The following CASK variants were observed in gnomAD, a reference collection of about 807,000 sequenced individuals.
CASK encodes the protein peripheral plasma membrane protein CASK.
Under a neutral mutation model 82.9 loss-of-function variants are expected in CASK, and 4 were observed. The ratio of observed to expected loss-of-function variants is 0.05; its 90% CI spans 0.02 to 0.11. The LOEUF (loss-of-function observed/expected upper bound fraction) is 0.11, where lower values mean the gene tolerates loss of function less well. Ranked by LOEUF, CASK falls within the 10% of genes least tolerant of loss-of-function variation. The pLI is 1.00. For missense variants in CASK, 358 were observed against 720.9 expected, an observed-to-expected ratio of 0.50 and a Z score of 5.76; for synonymous variants, 259 against 253.5, an observed-to-expected ratio of 1.02 and a Z score of -0.20.
intron 5 of CASK, among the ~76,000 whole-genome samples, chrX:41,684,558 A>G (rs1213204795): frequency 8.9e-6 from 1 of 111,745 alleles, no homozygotes; most frequent in African/African-American, 3.3e-5. Flanking sequence ...GTGCAGTGGC[A>G]TGATCTCTGC....
chrX:41,637,640 A>G (rs965058077), intron 8 of CASK, among the ~76,000 whole-genome samples: 1 of 104,000 alleles, frequency 9.6e-6, no homozygotes, highest in African/African-American at 3.5e-5. Context: ...TGAATCCCCC[A>G]TTATTTATTT....
Position 41,517,497 on chromosome X carries a change from A to G in CASK, c.*2923T>C. 1 of 263,569 alleles carries G rather than the reference A, an allele frequency of 3.8e-6. No homozygotes were observed. The highest frequency in any genetic ancestry group is 2.8e-5 in the African/African-American group (1 of 36,360). 21.7% of individuals were successfully genotyped at this position (263,569 alleles called of 1,213,427 possible). A position where few individuals can be genotyped will look rare whatever the true frequency, so the allele number is the denominator to read the frequency against. Reference sequence around the variant, plus strand: ...AGTAATTACTGTCTTGTGACTGGAAAATCAGGACATTTCATCTTTTTAACA... The same window carrying G: ...AGTAATTACTGTCTTGTGACTGGAAGATCAGGACATTTCATCTTTTTAACA... On this transcript the variant is annotated 3_prime_UTR_variant, in exon 27 of 27. Transcript: ENST00000378163.
intron 5 of CASK, among the ~76,000 whole-genome samples, chrX:41,710,954 G>A (rs2067967607): frequency 8.9e-6 from 1 of 112,144 alleles, no homozygotes; most frequent in Non-Finnish European, 1.9e-5. Flanking sequence ...GGACAGGAAA[G>A]CTCCGTGCCC....
chrX:41,816,072 C>T (rs959896713), intron 2 of CASK, among the ~76,000 whole-genome samples: 2 of 111,140 alleles, frequency 1.8e-5, no homozygotes, highest in African/African-American at 6.6e-5. Flanking sequence ...GTTGCCCAGG[C>T]TAGTCTTGAG....
intron 2 of CASK, among the ~76,000 whole-genome samples, chrX:41,789,439 G>A (rs2069674048): frequency 9.0e-6 from 1 of 111,630 alleles, no homozygotes; most frequent in Non-Finnish European, 1.9e-5. Context: ...TTACTGCAAA[G>A]GAAGAGATCA....
intron 3 of CASK, among the ~76,000 whole-genome samples, chrX:41,756,315 A>C (rs1195451406): frequency 8.9e-6 from 1 of 112,259 alleles, no homozygotes; most frequent in African/African-American, 3.2e-5. Context: ...GGGCAAACAC[A>C]GTCTCTTCAA....
chrX:41,565,563 A>G (rs763734492), intron 16 of CASK, among the ~76,000 whole-genome samples: 38 of 111,622 alleles, frequency 3.4e-4, no homozygotes, highest in African/African-American at 1.1e-3. Context: ...GAATAGACCA[A>G]TAACAGGCCG....
Position 41,517,690 on chromosome X carries a change from T to C in CASK, c.*2730A>G. The C allele has an allele frequency of 6.0e-6, 3 of 499,244 alleles. No homozygotes were observed. The highest frequency in any genetic ancestry group is 1.0e-5 in the Non-Finnish European group (3 of 291,607). 41.1% of individuals were successfully genotyped at this position (499,244 alleles called of 1,213,427 possible). Reference sequence around the variant, plus strand: ...TAAAAGAAAGAAAGAAAAAAAAAGGTTCTGCTGATGGAATGGAAGCAGTAA... The same window carrying C: ...TAAAAGAAAGAAAGAAAAAAAAAGGCTCTGCTGATGGAATGGAAGCAGTAA... On this transcript the variant is annotated 3_prime_UTR_variant, in exon 27 of 27. Transcript: ENST00000378163.
chrX:41,839,647 T>A (rs940130503), intron 2 of CASK, among the ~76,000 whole-genome samples: 1 of 110,673 alleles, frequency 9.0e-6, no homozygotes, highest in Non-Finnish European at 1.9e-5. Context: ...TTACCTTTCT[T>A]CCCTTACTGT....
intron 1 of CASK, among the ~76,000 whole-genome samples, chrX:41,900,307 G>T (rs2072347031): frequency 9.1e-6 from 1 of 110,336 alleles, no homozygotes; most frequent in Non-Finnish European, 1.9e-5. Context: ...TCCAGATTTG[G>T]GACATTTTCT....
intron 5 of CASK, chrX:41,729,804 A>ATATATATATG (rs1556036709): frequency 1.1e-5 from 1 of 92,784 alleles, no homozygotes; most frequent in Non-Finnish European, 2.3e-5. Context: ...ATATATATAT[A>ATATATATATG]TATGTATGTA....
rs969054567 is a variant in CASK, at chrX:41,842,242, T to C, written c.172+10873A>G. Among the ~76,000 whole-genome samples, 10 of 111,817 alleles carry C rather than the reference T, an allele frequency of 8.9e-5. No homozygotes were observed. The Admixed American group carries it at 9.5e-4, about 11-fold the overall frequency. ...TCATCAATCTATATGTCTATCCTTA[T>C]GCCAGGGTTACACTATGTGTATTAA... On this transcript the variant is annotated intron_variant, in intron 2 of 26. Transcript: ENST00000378163.
chrX:41,651,002 G>A (rs553942811), intron 8 of CASK, among the ~76,000 whole-genome samples: 7 of 111,952 alleles, frequency 6.3e-5, no homozygotes, highest in Admixed American at 1.9e-4. Context: ...TCAAAGAGCC[G>A]TCTTAAACTT....
rs754395489 is a variant in CASK at position 41,572,811 on chromosome X, C to A, written c.1504-3065G>T. 8.1e-5 allele frequency among the ~76,000 whole-genome samples: 9 copies of A among 111,555 alleles called. No homozygotes were observed. In the East Asian group the frequency reaches 2.5e-3, roughly 31 times the overall value. On this transcript the variant is annotated intron_variant, in intron 15 of 26. Coordinates refer to ENST00000378163, the MANE Select transcript of CASK (RefSeq NM_001367721.1). Reference sequence around the variant, plus strand: ...GTAGATTCAGATTTCAATCTGTTATCGTTTTCCTTCTGCCTGAAGAATGTC... The same window carrying A: ...GTAGATTCAGATTTCAATCTGTTATAGTTTTCCTTCTGCCTGAAGAATGTC...
At chrX:41,682,374 G>A (rs1188813073) in intron 5 of CASK, among the ~76,000 whole-genome samples, 2 of 107,734 alleles carry the variant, frequency 1.9e-5, no homozygotes, top group African/African-American at 3.4e-5. Context: ...GCAGCATGGC[G>A]AAACCTTATC....
intron 2 of CASK, among the ~76,000 whole-genome samples, chrX:41,819,455 T>C (rs563798943): frequency 1.8e-5 from 2 of 111,777 alleles, no homozygotes; most frequent in East Asian, 2.8e-4. Context: ...AAATTACATG[T>C]ATAATTTAAA....
chrX:41,673,829 GTTTTTTTTT>G (rs887137250), intron 5 of CASK, among the ~76,000 whole-genome samples: 2 of 51,045 alleles, frequency 3.9e-5, no homozygotes, highest in Admixed American at 2.3e-4. Context: ...AACTCTGGGT[GTTTTTTTTT>G]TTTTTTTTTT....
intron 3 of CASK, among the ~76,000 whole-genome samples, chrX:41,784,483 G>A (rs767888457): frequency 9.9e-5 from 11 of 111,578 alleles, no homozygotes; most frequent in Non-Finnish European, 1.7e-4. Flanking sequence ...TGATTTGGCT[G>A]AGTGATTTGA....
chrX:41,662,998 TG>T (rs1455577076), intron 7 of CASK, among the ~76,000 whole-genome samples: 1 of 109,098 alleles, frequency 9.2e-6, no homozygotes, highest in Non-Finnish European at 1.9e-5. Context: ...CCACCACACT[TG>T]GCTAATTTTT....
Sources: allele counts gnomAD v4.1 joint callset (sites outside exome capture counted in the v4.1 genomes callset), GRCh38; gene constraint gnomAD v4.1.1; transcripts MANE v1.5; gene names NCBI Gene and HGNC (gene_info 2026-07-23, HGNC 2026-07-21).